PKP1: variants seen among roughly 807,000 people sequenced by gnomAD.
PKP1 encodes plakophilin-1.
A neutral mutation model predicts 76.4 loss-of-function variants in PKP1; 27 were observed. That is an observed-to-expected ratio of 0.35 (90% CI 0.26 to 0.49). The LOEUF is 0.49. PKP1 is among the 20% of genes least tolerant of loss of function. The pLI, the probability that PKP1 is intolerant of heterozygous loss-of-function variation, is 0.99. For missense variants in PKP1, 964 were observed against 955.2 expected (o/e 1.01, Z -0.12); for synonymous variants, 404 against 384.2 (o/e 1.05, Z -0.60).
At chr1:201,298,346 C>T (rs535815943) in intron 2 of PKP1, among the ~76,000 whole-genome samples, 7 of 152,168 alleles carry the variant, frequency 4.6e-5, no homozygotes, top group Non-Finnish European at 8.8e-5. Flanking sequence ...GAAGCTGAGG[C>T]GTGTGGACAA....
chr1:201,294,700 A>T (rs1656023891), intron 2 of PKP1, among the ~76,000 whole-genome samples: 1 of 152,254 alleles, frequency 6.6e-6, no homozygotes, highest in Non-Finnish European at 1.5e-5. Context: ...ATAATTCTTA[A>T]GATTATTTGT....
intron 2 of PKP1, among the ~76,000 whole-genome samples, chr1:201,303,354 C>A (rs934038522): frequency 6.6e-6 from 1 of 152,142 alleles, no homozygotes; most frequent in African/African-American, 2.4e-5. Flanking sequence ...TCTTGAACTC[C>A]TGGGTTCAAG....
At chr1:201,302,375 G>A (rs923005057) in intron 2 of PKP1, among the ~76,000 whole-genome samples, 3 of 152,184 alleles carry the variant, frequency 2.0e-5, no homozygotes, top group Non-Finnish European at 4.4e-5. Context: ...TAGAAGGGCA[G>A]GGGGAGAAGT....
intron 1 of PKP1, among the ~76,000 whole-genome samples, chr1:201,289,957 G>A (rs1416788505): frequency 2.0e-5 from 3 of 152,192 alleles, no homozygotes; most frequent in African/African-American, 7.2e-5. Context: ...CTTGGAGGTG[G>A]AAGAGGATGA....
intron 1 of PKP1, among the ~76,000 whole-genome samples, chr1:201,288,071 G>C (rs1655788834): frequency 6.6e-6 from 1 of 152,056 alleles, no homozygotes; most frequent in Non-Finnish European, 1.5e-5. Context: ...TGTTATGTGT[G>C]TGTACATGTG....
At chr1:201,311,582 A>G (rs1479608700) in intron 2 of PKP1, among the ~76,000 whole-genome samples, 1 of 152,108 alleles carries the variant, frequency 6.6e-6, no homozygotes, top group Non-Finnish European at 1.5e-5. Flanking sequence ...CCCTGCAGAG[A>G]TGAAAAAGGA....
At chr1:201,284,450 A>G (rs542590044) in intron 1 of PKP1, among the ~76,000 whole-genome samples, 54 of 152,312 alleles carry the variant, frequency 3.5e-4, no homozygotes, top group African/African-American at 1.2e-3. Flanking sequence ...GGGGCCGCGC[A>G]TGAGTATCCG....
chr1:201,283,660 G>T lies in PKP1; in HGVS notation c.-43G>T. ...GCACCGCACCTCGCCTCGCCTCTCT[G>T]CTCTCCTAGGCCCCGGCCGCGCGCC... On this transcript the variant is annotated 5_prime_UTR_variant, in exon 1 of 14. Coordinates refer to ENST00000367324, the MANE Select transcript of PKP1 (RefSeq NM_001005337.3). 8 of 1,562,230 alleles carry T rather than the reference G, an allele frequency of 5.1e-6. No homozygotes were observed. The highest frequency in any genetic ancestry group is 7.0e-6 in the Non-Finnish European group (8 of 1,139,944).
chr1:201,317,102 T>G (rs1656775041), intron 4 of PKP1, among the ~76,000 whole-genome samples: 5 of 152,120 alleles, frequency 3.3e-5, no homozygotes. Flanking sequence ...TGTTGATGCC[T>G]CCAAAGCTTT....
At chr1:201,290,216 G>T (rs1286592579) in intron 1 of PKP1, among the ~76,000 whole-genome samples, 2 of 152,192 alleles carry the variant, frequency 1.3e-5, no homozygotes, top group Non-Finnish European at 2.9e-5. Context: ...AATCAGACGA[G>T]CTATGTGGAC....
intron 3 of PKP1, among the ~76,000 whole-genome samples, 168 bp downstream of exon 3, chr1:201,313,728 T>C (rs945275441): frequency 1.8e-4 from 28 of 152,240 alleles, no homozygotes; most frequent in African/African-American, 6.8e-4. Context: ...GGGGAGAACC[T>C]GGCCCCATGG....
chr1:201,296,553 C>A (rs975983429), intron 2 of PKP1, among the ~76,000 whole-genome samples: 1 of 152,238 alleles, frequency 6.6e-6, no homozygotes, highest in African/African-American at 2.4e-5. Flanking sequence ...TTTATATTCA[C>A]TCGGTCAGCC....
At position 201,321,913 on chromosome 1, in the gene PKP1, G is replaced by C. The variant is rs536158177; in HGVS notation, c.1348-65G>C. 129 of 1,587,384 alleles carry C rather than the reference G, an allele frequency of 8.1e-5. 1 individual carries two copies. In the East Asian group the frequency reaches 2.8e-3, roughly 35 times the overall value. ...TCTGCTCTCTTATTAGCTAGGGTAG[G>C]TGGTAGGCCAGGAGCCTGTCGGGCC... On this transcript the variant is annotated intron_variant, in intron 7 of 13. Transcript: ENST00000367324.
intron 2 of PKP1, among the ~76,000 whole-genome samples, chr1:201,311,471 A>G (rs1656550003): frequency 6.6e-6 from 1 of 152,196 alleles, no homozygotes; most frequent in Non-Finnish European, 1.5e-5. Flanking sequence ...CAAGGTTAAC[A>G]GTCTGTGGCT....
At chr1:201,293,345 C>T (rs1193248961) in intron 1 of PKP1, among the ~76,000 whole-genome samples, 1 of 152,186 alleles carries the variant, frequency 6.6e-6, no homozygotes, top group Non-Finnish European at 1.5e-5. Context: ...TCTCCAAGCA[C>T]TCCGAAAACA....
chr1:201,329,655 C>T (rs1657258105), intron 13 of PKP1, among the ~76,000 whole-genome samples: 1 of 152,210 alleles, frequency 6.6e-6, no homozygotes, highest in Non-Finnish European at 1.5e-5. Context: ...GACCTCTTAA[C>T]CAGGCTGTCT....
At chr1:201,307,413 T>C (rs1656403743) in intron 2 of PKP1, among the ~76,000 whole-genome samples, 1 of 152,004 alleles carries the variant, frequency 6.6e-6, no homozygotes, top group Non-Finnish European at 1.5e-5. Flanking sequence ...TGAAGTCCCA[T>C]CTGTTGTGAC....
Position 201,294,638 on chromosome 1 carries a change from C to G in PKP1, c.306+593C>G, listed in dbSNP as rs12090562. On this transcript the variant is annotated intron_variant, in intron 2 of 13. Transcript: ENST00000367324. ...GGAAAGTGGATATAACAAAGAACTT[C>G]TGGGGTCATTTTCAGGATTAAATGA... Among the ~76,000 whole-genome samples the G allele has an allele frequency of 5.3e-3, 809 of 152,268 alleles. 9 individuals are homozygous for G. Among genetic ancestry groups the G allele is most frequent in the African/African-American group, 0.019 (787 of 41,558 alleles).
chr1:201,312,516 C>G (rs1656586072), intron 2 of PKP1, among the ~76,000 whole-genome samples: 1 of 152,218 alleles, frequency 6.6e-6, no homozygotes, highest in Non-Finnish European at 1.5e-5. Flanking sequence ...CAGAGGTTGT[C>G]AAACTTTTTT....
Sources: allele counts gnomAD v4.1 joint callset (sites outside exome capture counted in the v4.1 genomes callset), GRCh38; gene constraint gnomAD v4.1.1; transcripts MANE v1.5; gene names NCBI Gene and HGNC (gene_info 2026-07-23, HGNC 2026-07-21).